The following RAB38 variants were observed in gnomAD, a reference collection of about 807,000 sequenced individuals.
RAB38 encodes ras-related protein Rab-38.
In RAB38, 15 loss-of-function variants were observed where a neutral mutation model predicts 18.4. That is an observed-to-expected ratio of 0.82 (90% CI 0.55 to 1.26). RAB38 has a LOEUF of 1.26. RAB38 is among the 50% of genes most tolerant of loss of function. The pLI is 0.00. For missense variants in RAB38, 294 were observed against 267.4 expected (o/e 1.10, Z -0.69); for synonymous variants, 101 against 104.4 (o/e 0.97, Z 0.20).
At chr11:87,862,678 TA>T in the RAB38 span, among the ~76,000 whole-genome samples, 7 of 151,788 alleles carry the variant, frequency 4.6e-5, no homozygotes, top group African/African-American at 1.7e-4. Flanking sequence ...AAATAAAAAC[TA>T]AAAAATAAGA....
At chr11:87,812,237 C>G in the RAB38 span, among the ~76,000 whole-genome samples, 1 of 151,570 alleles carries the variant, frequency 6.6e-6, no homozygotes, top group Non-Finnish European at 1.5e-5. Context: ...TTTTTCAAGC[C>G]TCTTTTTGTT....
chr11:87,922,889 T>TGGAAGGGGGAAGGGA, the RAB38 span, among the ~76,000 whole-genome samples: 3 of 120,512 alleles, frequency 2.5e-5, no homozygotes. Flanking sequence ...GGATGGGAGA[T>TGGAAGGGGGAAGGGA]GGAAGGGGGA....
At chr11:88,139,713 C>T (rs1942882373) in intron 2 of RAB38, among the ~76,000 whole-genome samples, 1 of 152,130 alleles carries the variant, frequency 6.6e-6, no homozygotes, top group Non-Finnish European at 1.5e-5. Flanking sequence ...ATTCTAAGCC[C>T]CTCTAGACTT....
chr11:87,867,187 T>G, the RAB38 span, among the ~76,000 whole-genome samples: 1 of 151,746 alleles, frequency 6.6e-6, no homozygotes, highest in Non-Finnish European at 1.5e-5. Flanking sequence ...GAAGATATTT[T>G]AGCTCTGTAG....
At chr11:87,838,122 T>A in the RAB38 span, among the ~76,000 whole-genome samples, 5 of 141,366 alleles carry the variant, frequency 3.5e-5, no homozygotes, top group Admixed American at 7.0e-5. Flanking sequence ...TATTTTTATT[T>A]TTTTTTTTTT....
chr11:87,877,904 G>A, the RAB38 span, among the ~76,000 whole-genome samples: 3 of 151,386 alleles, frequency 2.0e-5, no homozygotes, highest in African/African-American at 7.3e-5. Flanking sequence ...CTTGTAGAGT[G>A]CATGACTAAT....
Position 88,113,989 on chromosome 11 carries a change from T to G in RAB38, c.635A>C (p.Ter212SerextTer1), listed in dbSNP as rs767398620. ...ACCAGACACCAGCAAAGGTGCCTAC[T>G]AGGATTTGGCACAGCCAGAGCAGCT... The part of the protein sequence containing the change: ...VASCSGCAKS[*>S] The change falls in exon 3 of 3, where the codon TAG (stop) becomes TCG (serine). Residue 212 changes from the stop codon to serine, a stop_lost. Transcript: ENST00000243662. 6.2e-7 allele frequency: 1 copy of G among 1,614,040 alleles called. No individual in the cohort carries two copies. Among genetic ancestry groups the G allele is most frequent in the African/African-American group, 1.3e-5 (1 of 74,946 alleles).
chr11:87,951,128 C>T, the RAB38 span, among the ~76,000 whole-genome samples: 3 of 151,804 alleles, frequency 2.0e-5, no homozygotes, highest in Admixed American at 2.0e-4. Flanking sequence ...TGCTTCATTT[C>T]ATTCATTTCA....
chr11:87,859,133 AAATT>A, the RAB38 span, among the ~76,000 whole-genome samples: 6 of 151,904 alleles, frequency 3.9e-5, no homozygotes, highest in Non-Finnish European at 8.8e-5. Flanking sequence ...ACACTTGAAT[AAATT>A]CTAAATGTTT....
chr11:87,851,911 A>T, the RAB38 span, among the ~76,000 whole-genome samples: 1 of 152,212 alleles, frequency 6.6e-6, no homozygotes, highest in African/African-American at 2.4e-5. Flanking sequence ...GGAGAAAAAC[A>T]TACAAATTTA....
At chr11:88,029,471 T>C in the RAB38 span, among the ~76,000 whole-genome samples, 2 of 152,224 alleles carry the variant, frequency 1.3e-5, no homozygotes, top group African/African-American at 2.4e-5. Flanking sequence ...CAGTGTGCGG[T>C]ATTCAGGAAA....
chr11:87,891,905 C>G, the RAB38 span, among the ~76,000 whole-genome samples: 3 of 151,830 alleles, frequency 2.0e-5, no homozygotes, highest in Non-Finnish European at 4.4e-5. Flanking sequence ...TCTCCTCCCA[C>G]AGCCCTGTGT....
the RAB38 span, among the ~76,000 whole-genome samples, chr11:87,969,507 T>C: frequency 1.8e-4 from 27 of 152,286 alleles, no homozygotes; most frequent in African/African-American, 6.5e-4. Context: ...GTCTAGGGCA[T>C]TGAGCAAAAA....
the RAB38 span, among the ~76,000 whole-genome samples, chr11:88,088,947 CA>C: frequency 0.45 from 66,429 of 148,826 alleles, 15,155 homozygotes; most frequent in South Asian, 0.54. Flanking sequence ...CAGGAGCTGA[CA>C]AAAAAAAAAG....
the RAB38 span, among the ~76,000 whole-genome samples, chr11:87,926,552 C>T: frequency 1.3e-5 from 2 of 151,522 alleles, no homozygotes; most frequent in African/African-American, 4.9e-5. Flanking sequence ...ATTCTCAGTC[C>T]CAAAGAATTT....
chr11:87,920,568 T>G, the RAB38 span, among the ~76,000 whole-genome samples: 7 of 152,200 alleles, frequency 4.6e-5, no homozygotes, highest in African/African-American at 1.4e-4. Flanking sequence ...TATGATCTAT[T>G]CTGGAGAATC....
the RAB38 span, among the ~76,000 whole-genome samples, chr11:87,882,061 G>A: frequency 2.0e-5 from 3 of 151,730 alleles, no homozygotes; most frequent in African/African-American, 7.3e-5. Flanking sequence ...GCTCCTTACC[G>A]GTCCCCCAAA....
At chr11:88,151,142 C>T (rs1259645649) in intron 1 of RAB38, among the ~76,000 whole-genome samples, 1 of 152,142 alleles carries the variant, frequency 6.6e-6, no homozygotes, top group African/African-American at 2.4e-5. Flanking sequence ...GTTTCTTAAG[C>T]ACTCTAAGTT....
At chr11:88,024,557 C>G in the RAB38 span, among the ~76,000 whole-genome samples, 1 of 152,156 alleles carries the variant, frequency 6.6e-6, no homozygotes, top group African/African-American at 2.4e-5. Context: ...GGAAGGAAAT[C>G]ATTTTATCAA....
Sources: allele counts gnomAD v4.1 joint callset (sites outside exome capture counted in the v4.1 genomes callset), GRCh38; gene constraint gnomAD v4.1.1; transcripts MANE v1.5; gene names NCBI Gene and HGNC (gene_info 2026-07-23, HGNC 2026-07-21).